EIPR1: variants seen among roughly 807,000 people sequenced by gnomAD.
EIPR1 encodes the protein EARP complex and GARP complex interacting protein 1.
In EIPR1, 25 loss-of-function variants were observed where a neutral mutation model predicts 48.1. That is an observed-to-expected ratio of 0.52 (90% CI 0.38 to 0.73). The LOEUF (loss-of-function observed/expected upper bound fraction) is 0.73. Among genes scored for constraint, EIPR1 ranks in the 30% least tolerant of loss-of-function variants. The probability of loss-of-function intolerance (pLI) is 0.00; values close to 1 mark genes in which losing one functional copy is unlikely to be tolerated. For synonymous variants in EIPR1, 204 were observed against 201.9 expected, an observed-to-expected ratio of 1.01 and a Z score of -0.09; for missense variants, 415 against 506.2, an observed-to-expected ratio of 0.82 and a Z score of 1.73.
Position 3,286,035 on chromosome 2 carries a change from G to A in EIPR1, c.260-28580C>T, listed in dbSNP as rs1572397160. Among the ~76,000 whole-genome samples, 1 of 152,182 alleles carries A rather than the reference G, an allele frequency of 6.6e-6. No homozygotes were observed. The highest frequency in any genetic ancestry group is 2.1e-4 in the South Asian group (1 of 4,830). ...GGGGCAGCCGGCTGTAGGTGTTCCAGCTGTGGCTCCATCTTCCTAGCTGAG... is the reference window on the plus strand; with the variant it reads ...GGGGCAGCCGGCTGTAGGTGTTCCAACTGTGGCTCCATCTTCCTAGCTGAG... On this transcript the variant is annotated intron_variant, in intron 3 of 8. Coordinates refer to ENST00000382125, the MANE Select transcript of EIPR1 (RefSeq NM_003310.5). The surrounding 1 kb of genome is among the most constrained non-coding windows in gnomAD (Gnocchi z 4.2).
rs1032946904 is a variant in EIPR1, at chr2:3,209,715, G to C, written c.516+4434C>G. 1.6e-4 allele frequency among the ~76,000 whole-genome samples: 25 copies of C among 152,346 alleles called. 1 individual carries two copies. The highest frequency in any genetic ancestry group is 5.5e-4 in the African/African-American group (23 of 41,586). Reference sequence around the variant, plus strand: ...AAAAAGAAATGTGCTTTCAAGCCATGAAAAGACCTGGAGAAACCTTGACTG... The same window carrying C: ...AAAAAGAAATGTGCTTTCAAGCCATCAAAAGACCTGGAGAAACCTTGACTG... On this transcript the variant is annotated intron_variant, in intron 5 of 8. Coordinates refer to ENST00000382125, the MANE Select transcript of EIPR1 (RefSeq NM_003310.5).
At chr2:3,368,662 T>C (rs115784118) in intron 1 of EIPR1, among the ~76,000 whole-genome samples, 41 of 152,336 alleles carry the variant, frequency 2.7e-4, no homozygotes, top group African/African-American at 9.6e-4. Flanking sequence ...AGAGAAGTCA[T>C]ACTGTTTGTA....
Position 3,257,448 on chromosome 2 carries a change from G to A in EIPR1, c.267C>T (p.Asp89=). The change falls in exon 4 of 9, where the codon GAC becomes GAT. Residue 89 remains aspartate, a synonymous_variant. Coordinates refer to ENST00000382125, the MANE Select transcript of EIPR1 (RefSeq NM_003310.5). ...VLTTCYNRTS[D]SKVLTCAAVW... ...CGGCTGCACATGTCAGGACTTTGCT[G>A]TCTGAAGCTGAGCAACAGAGCATAA... 1.2e-6 allele frequency: 2 copies of A among 1,614,154 alleles called. No homozygotes were observed. The highest frequency in any genetic ancestry group is 8.5e-7 in the Non-Finnish European group (1 of 1,180,012).
chr2:3,280,309 C>G (rs914931162), intron 3 of EIPR1, among the ~76,000 whole-genome samples: 5 of 152,240 alleles, frequency 3.3e-5, no homozygotes, highest in Admixed American at 1.3e-4. Context: ...GCTCCACGCT[C>G]CCTCACGCAC....
intron 4 of EIPR1, among the ~76,000 whole-genome samples, chr2:3,221,065 C>T (rs111587494): frequency 0.36 from 5,714 of 15,676 alleles, 427 homozygotes; most frequent in South Asian, 0.5. Flanking sequence ...CGGGAACACA[C>T]GCACACAATG....
chr2:3,244,467 C>A (rs1465317153), intron 4 of EIPR1, among the ~76,000 whole-genome samples: 1 of 151,994 alleles, frequency 6.6e-6, no homozygotes, highest in Admixed American at 6.6e-5. Flanking sequence ...AGCCCCCCAC[C>A]CCGTCAAGAA....
chr2:3,299,035 G>C (rs529980945), intron 3 of EIPR1, among the ~76,000 whole-genome samples: 165 of 152,264 alleles, frequency 1.1e-3, no homozygotes, highest in African/African-American at 3.8e-3. Context: ...ACAGATACAG[G>C]AAAGCCCCAC....
intron 5 of EIPR1, among the ~76,000 whole-genome samples, chr2:3,203,524 C>T (rs186338700): frequency 1.1e-4 from 16 of 152,354 alleles, no homozygotes; most frequent in Non-Finnish European, 1.9e-4. Flanking sequence ...CAGGAGAGCC[C>T]GCAGTCGGGG....
intron 3 of EIPR1, among the ~76,000 whole-genome samples, chr2:3,268,979 T>G (rs984391532): frequency 1.4e-4 from 21 of 152,284 alleles, no homozygotes; most frequent in Non-Finnish European, 2.6e-4. Context: ...GTGTGGGGCC[T>G]CTGGGAGGCC....
intron 4 of EIPR1, 166 bp from the exon 5 acceptor site, chr2:3,214,414 G>C: frequency 3.4e-6 from 2 of 595,410 alleles, no homozygotes; most frequent in Non-Finnish European, 5.9e-6. Flanking sequence ...CAACACTGTT[G>C]TTGTCTCACT....
chr2:3,307,636 G>C (rs1668988402), intron 3 of EIPR1, among the ~76,000 whole-genome samples: 1 of 152,234 alleles, frequency 6.6e-6, no homozygotes, highest in South Asian at 2.1e-4. Flanking sequence ...TCATGTGCCA[G>C]CTAAAACGCA....
intron 3 of EIPR1, among the ~76,000 whole-genome samples, chr2:3,296,470 C>G (rs1668601401): frequency 7.4e-6 from 1 of 134,424 alleles, no homozygotes; most frequent in Non-Finnish European, 1.6e-5. Context: ...ACACACACAC[C>G]CTCCATCCAA....
chr2:3,239,742 T>A lies in EIPR1; in HGVS notation c.416+17557A>T, dbSNP rs141421708. Among the ~76,000 whole-genome samples, 336 of 151,942 alleles carry A rather than the reference T, an allele frequency of 2.2e-3. 1 individual carries two copies. Among genetic ancestry groups the A allele is most frequent in the Admixed American group, 3.9e-3 (59 of 15,266 alleles). ...ACATGTGGCCCTGCCCTCAGCACGG[T>A]GCAGACACTCAGGGCATCCCCCTTC... On this transcript the variant is annotated intron_variant, in intron 4 of 8. Coordinates refer to ENST00000382125, the MANE Select transcript of EIPR1 (RefSeq NM_003310.5).
intron 5 of EIPR1, chr2:3,208,517 T>C (rs1410066786): frequency 1.3e-6 from 2 of 1,543,516 alleles, no homozygotes; most frequent in Admixed American, 2.0e-5. Flanking sequence ...GGTCTGTGTC[T>C]GATTAAAAGG....
intron 2 of EIPR1, among the ~76,000 whole-genome samples, chr2:3,339,949 C>CAA (rs1430774184): frequency 6.6e-6 from 1 of 152,208 alleles, no homozygotes; most frequent in African/African-American, 2.4e-5. Context: ...GACTCCGTCT[C>CAA]AACAACAACA....
Position 3,286,748 on chromosome 2 carries a change from A to C in EIPR1, c.260-29293T>G, listed in dbSNP as rs1475684246. On this transcript the variant is annotated intron_variant, in intron 3 of 8. Transcript: ENST00000382125. This position sits in a 1 kb window ranked among gnomAD's most constrained non-coding sequence, Gnocchi z 4.2. ...CACGTGCTGAGTCCATCCTCCCAGCAGCTCCAAGAGGCGGAGCTATCAATT... is the reference window on the plus strand; with the variant it reads ...CACGTGCTGAGTCCATCCTCCCAGCCGCTCCAAGAGGCGGAGCTATCAATT... Among the ~76,000 whole-genome samples, 3 of 152,234 alleles carry C rather than the reference A, an allele frequency of 2.0e-5. No individual in the cohort carries two copies. Among genetic ancestry groups the C allele is most frequent in the African/African-American group, 4.8e-5 (2 of 41,466 alleles).
intron 5 of EIPR1, chr2:3,208,640 T>C: frequency 6.4e-7 from 1 of 1,550,648 alleles, no homozygotes; most frequent in Non-Finnish European, 8.7e-7. Context: ...CATTCTGGTA[T>C]GCTTGGCATA....
chr2:3,307,608 C>T (rs562959067), intron 3 of EIPR1, among the ~76,000 whole-genome samples: 6 of 152,342 alleles, frequency 3.9e-5, no homozygotes, highest in East Asian at 3.9e-4. Flanking sequence ...CACGGAAAGA[C>T]GGCATCCCCA....
rs1446283789 is a variant in EIPR1, at chr2:3,338,020, T to G, written c.256A>C (p.Arg86=). 1.3e-6 allele frequency: 2 copies of G among 1,592,290 alleles called. No individual in the cohort carries two copies. Among genetic ancestry groups the G allele is most frequent in the Non-Finnish European group, 8.5e-7 (1 of 1,174,466 alleles). The change falls in exon 3 of 9, where the codon AGA becomes CGA. Residue 86 remains arginine (R), a synonymous_variant. Transcript: ENST00000382125. Reference sequence around the variant, plus strand: ...ACCTTAGAAAAGCCGCACTTACTTCTGTTGTAGCAGGTCGTCAGCACACCT... The same window carrying G: ...ACCTTAGAAAAGCCGCACTTACTTCGGTTGTAGCAGGTCGTCAGCACACCT... ...DRGVLTTCYN[R]TSDSKVLTCA... is the part of the protein sequence containing the mutation.
Sources: allele counts gnomAD v4.1 joint callset (sites outside exome capture counted in the v4.1 genomes callset), GRCh38; gene constraint gnomAD v4.1.1; non-coding constraint Gnocchi (gnomAD v3.1); transcripts MANE v1.5; gene names NCBI Gene and HGNC (gene_info 2026-07-23, HGNC 2026-07-21).